The following MYO16 variants were observed in gnomAD, a reference collection of about 807,000 sequenced individuals.
MYO16 encodes unconventional myosin-XVI.
In MYO16, 94 loss-of-function variants were observed where a neutral mutation model predicts 205.3. The ratio of observed to expected loss-of-function variants is 0.46; its 90% confidence interval spans 0.39 to 0.54. The LOEUF is 0.54. MYO16 is among the 20% of genes least tolerant of loss of function. The pLI is 0.00. For missense variants in MYO16, 2,315 were observed against 2,387.5 expected (o/e 0.97, Z 0.63); for synonymous variants, 988 against 954.0 (o/e 1.04, Z -0.66).
chr13:108,944,856 A>G (rs1258844124), intron 16 of MYO16, among the ~76,000 whole-genome samples: 1 of 152,136 alleles, frequency 6.6e-6, no homozygotes, highest in Non-Finnish European at 1.5e-5. Flanking sequence ...CTGTAGAGTT[A>G]TTTTCTAAAT....
the MYO16 span, among the ~76,000 whole-genome samples, chr13:108,503,579 G>A: frequency 6.6e-6 from 1 of 152,140 alleles, no homozygotes; most frequent in Non-Finnish European, 1.5e-5. Flanking sequence ...CCAGGAGACT[G>A]AAAGAATTGC....
At chr13:108,837,165 T>C (rs1019339042) in intron 9 of MYO16, among the ~76,000 whole-genome samples, 3 of 152,172 alleles carry the variant, frequency 2.0e-5, no homozygotes, top group Non-Finnish European at 2.9e-5. Flanking sequence ...GTTCTCATGA[T>C]AGTGAGTGGA....
At chr13:108,570,412 C>A in the MYO16 span, among the ~76,000 whole-genome samples, 1 of 152,074 alleles carries the variant, frequency 6.6e-6, no homozygotes, top group Non-Finnish European at 1.5e-5. Flanking sequence ...CCATAGCTGG[C>A]TAATTTTTAA....
intron 4 of MYO16, chr13:108,780,188 C>A (rs189428984): frequency 1.4e-4 from 22 of 152,112 alleles, no homozygotes; most frequent in Admixed American, 6.5e-4. Flanking sequence ...AGAAACAACT[C>A]CCTGGGCTTA....
intron 4 of MYO16, among the ~76,000 whole-genome samples, chr13:108,774,764 G>C (rs192038115): frequency 6.6e-6 from 1 of 152,090 alleles, no homozygotes. Flanking sequence ...TTACATGTAC[G>C]TGCACACACA....
intron 4 of MYO16, among the ~76,000 whole-genome samples, chr13:108,770,352 A>C (rs1366740279): frequency 1.3e-5 from 2 of 152,218 alleles, no homozygotes; most frequent in Admixed American, 1.3e-4. Flanking sequence ...TAATGTAATA[A>C]TTTTAAAAGC....
rs374434267 is a variant in MYO16 at position 108,661,343 on chromosome 13, G to A, written c.29-4543G>A. 2.0e-3 allele frequency among the ~76,000 whole-genome samples: 309 copies of A among 152,000 alleles called. 8 individuals are homozygous for A. In the South Asian group the frequency reaches 0.063, roughly 31 times the overall value. ...ATGTCTAGGTCTCTCTCAAGGCTGG[G>A]GAAATTTTCATCAATTATTCCTCCA... On this transcript the variant is annotated intron_variant, in intron 1 of 34. Transcript: ENST00000457511.
chr13:109,122,022 T>C (rs1287857844), intron 29 of MYO16, among the ~76,000 whole-genome samples: 1 of 152,168 alleles, frequency 6.6e-6, no homozygotes, highest in Non-Finnish European at 1.5e-5. Flanking sequence ...CCTATTTGCA[T>C]GTTTGGCCCT....
intron 4 of MYO16, among the ~76,000 whole-genome samples, chr13:108,767,606 A>T (rs1885824865): frequency 7.2e-5 from 11 of 152,250 alleles, no homozygotes; most frequent in African/African-American, 2.4e-4. Context: ...CTTGCCTTTA[A>T]TTGAAATTAT....
rs1878426217 is a variant in MYO16, at chr13:109,162,304, G to A, written c.5165-2597G>A. On this transcript the variant is annotated intron_variant, in intron 32 of 34. Transcript: ENST00000457511. This position sits in a 1 kb window ranked among gnomAD's most constrained non-coding sequence, Gnocchi z 4.6. ...TTAGAGGATTCGTTTATTGCCACCA[G>A]GTGTAAGAGGACTGTGCTCATTCAA... Among the ~76,000 whole-genome samples the A allele has an allele frequency of 6.6e-6, 1 of 152,180 alleles. No homozygotes were observed. Among genetic ancestry groups the A allele is most frequent in the Admixed American group, 6.5e-5 (1 of 15,274 alleles).
At chr13:108,572,862 A>G in the MYO16 span, among the ~76,000 whole-genome samples, 4 of 152,328 alleles carry the variant, frequency 2.6e-5, no homozygotes, top group African/African-American at 9.6e-5. Flanking sequence ...AACAGGCAAC[A>G]CAAGAATCTT....
chr13:109,115,356 GA>G (rs1321280204), intron 28 of MYO16, among the ~76,000 whole-genome samples: 2 of 141,040 alleles, frequency 1.4e-5, no homozygotes, highest in African/African-American at 2.7e-5. Context: ...CACCTAACAA[GA>G]AAAAAAACCT....
rs7324187 is a variant in MYO16, at chr13:108,643,610, G to A, written c.28+13738G>A. ...CATGATGCATCTGGCAATCATCCAT[G>A]TTGATGCATATATCACAGGTTTATT... On this transcript the variant is annotated intron_variant, in intron 1 of 34. Coordinates refer to ENST00000457511, the MANE Select transcript of MYO16 (RefSeq NM_001198950.3). Among the ~76,000 whole-genome samples the A allele has an allele frequency of 2.7e-3, 418 of 152,316 alleles. 9 individuals carry two copies. The South Asian group carries it at 0.062, about 23-fold the overall frequency.
chr13:108,585,885 C>G, the MYO16 span, among the ~76,000 whole-genome samples: 1 of 151,978 alleles, frequency 6.6e-6, no homozygotes, highest in Non-Finnish European at 1.5e-5. Flanking sequence ...AATGGTTTTC[C>G]AAAGTTATAA....
chr13:109,012,155 A>G (rs1165626029), intron 22 of MYO16, among the ~76,000 whole-genome samples: 1 of 152,166 alleles, frequency 6.6e-6, no homozygotes, highest in Non-Finnish European at 1.5e-5. Context: ...TTCCTAGGGG[A>G]CATAATAGAA....
chr13:108,500,209 T>G, the MYO16 span, among the ~76,000 whole-genome samples: 21 of 8,298 alleles, frequency 2.5e-3, 3 homozygotes, highest in South Asian at 0.14. Context: ...GATTCCTGTT[T>G]TTTTTTTTTT....
rs57603774 is a variant in MYO16, at chr13:108,703,800, T to G, written c.293-8861T>G. ...AAAAATTATCTATTATGGGCTAAATTTTGTCCTTCCCTGTCCCCTCCCCTC... is the reference window on the plus strand; with the variant it reads ...AAAAATTATCTATTATGGGCTAAATGTTGTCCTTCCCTGTCCCCTCCCCTC... On this transcript the variant is annotated intron_variant, in intron 2 of 34. Transcript: ENST00000457511. 1.2e-4 allele frequency among the ~76,000 whole-genome samples: 19 copies of G among 152,274 alleles called. 1 individual carries two copies. In the East Asian group the frequency reaches 3.5e-3, roughly 28 times the overall value.
intron 33 of MYO16, among the ~76,000 whole-genome samples, chr13:109,170,330 G>A (rs1234497150): frequency 6.6e-6 from 1 of 152,060 alleles, no homozygotes; most frequent in African/African-American, 2.4e-5. Context: ...GAAGACTCCA[G>A]GGCAATACTA....
chr13:109,181,321 A>T (rs1163996550), intron 34 of MYO16, among the ~76,000 whole-genome samples: 1 of 152,246 alleles, frequency 6.6e-6, no homozygotes, highest in African/African-American at 2.4e-5. Flanking sequence ...GATGAGACAG[A>T]TTCCTTACTG....
Sources: allele counts gnomAD v4.1 joint callset (sites outside exome capture counted in the v4.1 genomes callset), GRCh38; gene constraint gnomAD v4.1.1; non-coding constraint Gnocchi (gnomAD v3.1); transcripts MANE v1.5; gene names NCBI Gene and HGNC (gene_info 2026-07-23, HGNC 2026-07-21).